Variants in ARHGAP9 observed in about 807,000 individuals in gnomAD.
ARHGAP9 encodes the protein rho GTPase-activating protein 9.
In ARHGAP9, 76 loss-of-function variants were observed where a neutral mutation model predicts 87.3. That is an observed-to-expected ratio of 0.87 (90% CI 0.72 to 1.05). ARHGAP9 has a LOEUF of 1.05. Ranked by LOEUF, ARHGAP9 falls within the 50% of genes least tolerant of loss-of-function variation. The pLI is 0.00. For synonymous variants in ARHGAP9, 382 were observed against 394.9 expected, an observed-to-expected ratio of 0.97 and a Z score of 0.39; for missense variants, 941 against 960.5, an observed-to-expected ratio of 0.98 and a Z score of 0.27.
chr12:57,473,571 C>T (rs911109053), intron 17 of ARHGAP9, 32 bp downstream of exon 17: 3 of 1,585,266 alleles, frequency 1.9e-6, no homozygotes, highest in Admixed American at 1.7e-5. Flanking sequence ...CACCTTTCCC[C>T]AGCATGAACA....
At chr12:57,488,683 A>C in exon 1 of ARHGAP9, 1 of 1,538,834 alleles carries the variant, frequency 6.5e-7, no homozygotes, top group South Asian at 1.2e-5. Context: ...CAGTTCTTTT[A>C]ATTTTGTTCT....
At chr12:57,475,246 C>G in intron 12 of ARHGAP9, 45 bp downstream of exon 12, 1 of 1,528,374 alleles carries the variant, frequency 6.5e-7, no homozygotes, top group Non-Finnish European at 8.9e-7. Flanking sequence ...TACTCTGAGC[C>G]TCGCTGGAGT....
upstream of ARHGAP9, chr12:57,480,162 C>T: frequency 2.1e-6 from 2 of 949,052 alleles, no homozygotes; most frequent in South Asian, 4.9e-5. Flanking sequence ...GCAGGAGCTA[C>T]TTTAGTGTGT....
intron 5 of ARHGAP9, 91 bp from the exon 6 acceptor site, chr12:57,477,054 G>T: frequency 6.6e-7 from 1 of 1,520,068 alleles, no homozygotes. Context: ...ACGGGTGAGA[G>T]GTGGGGGGTG....
chr12:57,476,202 G>T (rs1432253008), intron 8 of ARHGAP9, 36 bp from the exon 9 acceptor site: 2 of 1,518,476 alleles, frequency 1.3e-6, no homozygotes, highest in African/African-American at 2.8e-5. Flanking sequence ...CCACGGTGTT[G>T]TTTCCTTCAC....
upstream of ARHGAP9, among the ~76,000 whole-genome samples, chr12:57,483,373 T>C (rs511752): frequency 0.18 from 27,181 of 152,056 alleles, 2,672 homozygotes; most frequent in East Asian, 0.28. Context: ...CTGGATGATA[T>C]AATTTCCTAA....
chr12:57,481,412 G>C (rs958877138), upstream of ARHGAP9, among the ~76,000 whole-genome samples: 1 of 151,976 alleles, frequency 6.6e-6, no homozygotes, highest in South Asian at 2.1e-4. Context: ...CACTATGCCC[G>C]CTATTTTTTT....
In ARHGAP9 at chr12:57,477,525, G is replaced by A. The variant is rs764489351; in HGVS notation, c.690C>T (p.Cys230=). ...AGCCAGTCAGTGAATTTATGTAGAA[G>A]CAGCGTCCAGAGTTGGGGTCCAGGT... ...EQHLDPNSGR[C]FYINSLTGCK... is the part of the protein sequence containing the mutation. The change falls in exon 4 of 18, where the codon TGC becomes TGT. Residue 230 remains cysteine, a synonymous_variant. Transcript: ENST00000393791. 5.6e-6 allele frequency: 9 copies of A among 1,614,048 alleles called. No homozygotes were observed. In the South Asian group the frequency reaches 8.8e-5, roughly 16 times the overall value.
intron 17 of ARHGAP9, 102 bp downstream of exon 17, chr12:57,473,501 A>G: frequency 9.5e-7 from 1 of 1,055,290 alleles, no homozygotes; most frequent in East Asian, 2.4e-5. Flanking sequence ...TGCCCATTAA[A>G]CTTAGGTGCT....
upstream of ARHGAP9, among the ~76,000 whole-genome samples, chr12:57,482,432 G>C (rs1875089176): frequency 6.6e-6 from 1 of 152,040 alleles, no homozygotes; most frequent in Admixed American, 6.6e-5. Context: ...AATACAGACG[G>C]GGTTTCACTG....
At chr12:57,482,819 G>A (rs1875125329), upstream of ARHGAP9, among the ~76,000 whole-genome samples, 2 of 151,900 alleles carry the variant, frequency 1.3e-5, no homozygotes, top group South Asian at 4.1e-4. Flanking sequence ...ATGGGGCCGG[G>A]TGCAGTGGCT....
chr12:57,476,547 T>C (rs931663307), intron 7 of ARHGAP9, 43 bp downstream of exon 7: 1 of 1,613,464 alleles, frequency 6.2e-7, no homozygotes, highest in Non-Finnish European at 8.5e-7. Context: ...CTCTACCCTA[T>C]GGAGTTGACA....
Position 57,476,881 on chromosome 12 carries a change from T to C in ARHGAP9, c.953A>G (p.Asp318Gly), listed in dbSNP as rs201813864. The C allele has an allele frequency of 1.2e-5, 19 of 1,613,616 alleles. No individual in the cohort carries two copies. The highest frequency in any genetic ancestry group is 1.4e-5 in the Non-Finnish European group (17 of 1,179,858). The change falls in exon 6 of 18, where the codon GAC becomes GGC. Residue 318 changes from aspartate to glycine, a missense_variant. Asp to Gly is a moderately conservative substitution (Grantham distance 94). Transcript: ENST00000393791. ...AAATGGGAGATTCACATGGGGGTCG[T>C]CCAGGAGCTGCGGCAGAGGTCGAGG... ...QAPRPLPQLL[D>G]DPHEVEKSGL...
At chr12:57,477,345 G>A (rs1377338786) in intron 4 of ARHGAP9, 76 bp from the exon 5 acceptor site, 1 of 1,511,896 alleles carries the variant, frequency 6.6e-7, no homozygotes, top group Non-Finnish European at 9.0e-7. Flanking sequence ...TCTTATACTT[G>A]GCTGATTCTT....
At chr12:57,481,455 G>A (rs1874996945), upstream of ARHGAP9, among the ~76,000 whole-genome samples, 1 of 152,012 alleles carries the variant, frequency 6.6e-6, no homozygotes, top group Non-Finnish European at 1.5e-5. Flanking sequence ...GTTTCACTAT[G>A]TTGGCCAGGC....
chr12:57,477,279 G>C lies in ARHGAP9; in HGVS notation c.757-10C>G. The C allele has an allele frequency of 6.4e-7, 1 of 1,550,668 alleles. No homozygotes were observed. Among genetic ancestry groups the C allele is most frequent in the Non-Finnish European group, 8.7e-7 (1 of 1,148,648 alleles). On this transcript the variant is annotated splice_polypyrimidine_tract_variant and intron_variant, in intron 4 of 17. Transcript: ENST00000393791. ...CCATGGAGCCAGGGTTCTGGGTTAGGGGAGGAGGAAATAAAGCTACATCCA... is the reference window on the plus strand; with the variant it reads ...CCATGGAGCCAGGGTTCTGGGTTAGCGGAGGAGGAAATAAAGCTACATCCA...
At position 57,478,753 on chromosome 12, in the gene ARHGAP9, C is replaced by G. The variant is rs759265289; in HGVS notation, c.321G>C (p.Pro107=). 1.9e-6 allele frequency: 3 copies of G among 1,606,152 alleles called. No individual in the cohort carries two copies. In the Admixed American group the frequency reaches 5.1e-5, roughly 27 times the overall value. ...CCTCCAGGGAACCATGAAACAACTT[C>G]GGCCCTGGAAACAGAAAAGGGGAGG... ...IPGQLLWTPG[P]KLFHGSLEEL... is the part of the protein sequence containing the mutation. The change falls in exon 3 of 18, where the codon CCG becomes CCC. Residue 107 remains proline, a synonymous_variant. Transcript: ENST00000393791.
In ARHGAP9 at chr12:57,472,764, G is replaced by A; in HGVS notation, c.2025-76C>T. 4 of 1,494,686 alleles carry A rather than the reference G, an allele frequency of 2.7e-6. No individual in the cohort carries two copies. The South Asian group carries it at 4.7e-5, about 18-fold the overall frequency. The allele number at this position is 1,494,686 out of a possible 1,614,324, so 92.6% of individuals were successfully genotyped here. On this transcript the variant is annotated intron_variant, in intron 17 of 17. Transcript: ENST00000393791. The stretch of plus-strand genomic sequence containing the variant: ...ATAGCAATCTAACTAACCCTTCAAA[G>A]TTCTGAGCAGGGAAGAGTTCACTCT...
At position 57,479,804 on chromosome 12, in the gene ARHGAP9, G is replaced by C; in HGVS notation, c.-93C>G. The stretch of plus-strand genomic sequence containing the variant: ...TGGTGGGAGTCTTGAGGTGGACACA[G>C]GAAGGAGATAAGAAGAAAGAATCAG... On this transcript the variant is annotated 5_prime_UTR_variant, in exon 1 of 18. Coordinates refer to ENST00000393791, the MANE Select transcript of ARHGAP9 (RefSeq NM_032496.4). 1.9e-6 allele frequency: 3 copies of C among 1,538,616 alleles called. No individual in the cohort carries two copies. Among genetic ancestry groups the C allele is most frequent in the Non-Finnish European group, 2.6e-6 (3 of 1,141,196 alleles).
Sources: allele counts gnomAD v4.1 joint callset (sites outside exome capture counted in the v4.1 genomes callset), GRCh38; gene constraint gnomAD v4.1.1; transcripts MANE v1.5; gene names NCBI Gene and HGNC (gene_info 2026-07-23, HGNC 2026-07-21).